CPXM2: variants seen among roughly 807,000 people sequenced by gnomAD.
The protein encoded by CPXM2 is inactive carboxypeptidase-like protein X2.
In CPXM2, 66 loss-of-function variants were observed where a neutral mutation model predicts 86.1. That is an observed-to-expected ratio of 0.77 (90% CI 0.63 to 0.94). CPXM2 has a LOEUF of 0.94. CPXM2 is among the 40% of genes least tolerant of loss of function. CPXM2 has a pLI of 0.00. For synonymous variants in CPXM2, 388 were observed against 400.2 expected (o/e 0.97, Z 0.36); for missense variants, 948 against 1,026.3 (o/e 0.92, Z 1.04).
intron 13 of CPXM2, among the ~76,000 whole-genome samples, chr10:123,752,937 A>G (rs1363017952): frequency 6.6e-6 from 1 of 152,230 alleles, no homozygotes; most frequent in East Asian, 1.9e-4. Context: ...AATCATGAGC[A>G]GAGTACACAT....
chr10:123,856,977 G>T (rs536170064), intron 3 of CPXM2, among the ~76,000 whole-genome samples: 2 of 152,280 alleles, frequency 1.3e-5, no homozygotes, highest in Admixed American at 1.3e-4. Context: ...GTTGCTCCCA[G>T]AATGGAAGAA....
chr10:123,804,135 C>T (rs1847527919), intron 4 of CPXM2, among the ~76,000 whole-genome samples: 1 of 152,182 alleles, frequency 6.6e-6, no homozygotes, highest in Non-Finnish European at 1.5e-5. Flanking sequence ...TATCCTAAAT[C>T]TGTCTTAATG....
At chr10:123,747,060 T>C (rs200795987) in intron 13 of CPXM2, 43 bp from the exon 14 acceptor site, 4 of 1,599,604 alleles carry the variant, frequency 2.5e-6, no homozygotes, top group Non-Finnish European at 1.7e-6. Context: ...CAGCTCTTGC[T>C]AATGCAGATC....
At position 123,885,103 on chromosome 10, in the gene CPXM2, GGGA is replaced by G. The variant is rs1204053785; in HGVS notation, c.305-4797_305-4795del. 1.3e-5 allele frequency among the ~76,000 whole-genome samples: 2 copies of G among 152,186 alleles called. No homozygotes were observed. Among genetic ancestry groups the G allele is most frequent in the African/African-American group, 2.4e-5 (1 of 41,456 alleles). On this transcript the variant is annotated intron_variant, in intron 1 of 13. Transcript: ENST00000241305. The surrounding 1 kb of genome is among the most constrained non-coding windows in gnomAD (Gnocchi z 4.0). ...AGGCTTTGGGCACAGTGCTGTATGTGGGAGGAGATTTCAAGTAGCACAGGTGAA... is the reference window on the plus strand; with the variant it reads ...AGGCTTTGGGCACAGTGCTGTATGTGGGAGATTTCAAGTAGCACAGGTGAA...
chr10:123,869,784 C>G (rs1186386726), intron 2 of CPXM2, among the ~76,000 whole-genome samples: 6 of 152,206 alleles, frequency 3.9e-5, no homozygotes, highest in Admixed American at 3.9e-4. Context: ...TCCTCATCAT[C>G]ATCATCATCA....
At chr10:123,933,705 G>A (rs1392176201) in intron 2 of CPXM2, among the ~76,000 whole-genome samples, 1 of 151,790 alleles carries the variant, frequency 6.6e-6, no homozygotes, top group Non-Finnish European at 1.5e-5. Context: ...GCAACAGAGC[G>A]AGACCATGTC....
At chr10:123,884,284 T>C (rs1343540235) in intron 1 of CPXM2, among the ~76,000 whole-genome samples, 1 of 152,152 alleles carries the variant, frequency 6.6e-6, no homozygotes, top group Non-Finnish European at 1.5e-5. Flanking sequence ...AATTGCAGCA[T>C]TAAGGCTAAA....
intron 4 of CPXM2, among the ~76,000 whole-genome samples, chr10:123,824,105 A>G (rs1847991928): frequency 6.6e-6 from 1 of 152,220 alleles, no homozygotes; most frequent in Non-Finnish European, 1.5e-5. Context: ...CAGGACTAAA[A>G]AGCAAAATTT....
intron 2 of CPXM2, among the ~76,000 whole-genome samples, chr10:123,939,030 A>C (rs575655839): frequency 1.0e-3 from 153 of 152,282 alleles, no homozygotes; most frequent in Admixed American, 1.4e-3. Context: ...CCTCCTCTGG[A>C]GGAGCAGACA....
intron 12 of CPXM2, among the ~76,000 whole-genome samples, chr10:123,756,811 C>T (rs1413874853): frequency 6.6e-6 from 1 of 152,174 alleles, no homozygotes; most frequent in African/African-American, 2.4e-5. Flanking sequence ...CCGAGGACAC[C>T]GACCCTGTGG....
chr10:123,842,258 C>G, intron 4 of CPXM2, 91 bp downstream of exon 4: 2 of 1,539,928 alleles, frequency 1.3e-6, no homozygotes, highest in Non-Finnish European at 1.8e-6. Flanking sequence ...CACCAAACAC[C>G]TCTCTGCAAC....
chr10:123,870,124 C>A (rs1056679517), intron 2 of CPXM2, among the ~76,000 whole-genome samples: 3 of 152,106 alleles, frequency 2.0e-5, no homozygotes, highest in African/African-American at 7.2e-5. Flanking sequence ...TGTACAATGA[C>A]CCCAACAGAT....
intron 2 of CPXM2, among the ~76,000 whole-genome samples, chr10:123,934,823 C>T (rs536917345): frequency 3.9e-5 from 6 of 152,318 alleles, no homozygotes; most frequent in African/African-American, 1.4e-4. Context: ...CCATCGCCTG[C>T]CACTGAGACC....
At chr10:123,931,159 G>A (rs773955167) in intron 2 of CPXM2, among the ~76,000 whole-genome samples, 1 of 152,190 alleles carries the variant, frequency 6.6e-6, no homozygotes, top group Non-Finnish European at 1.5e-5. Flanking sequence ...GTGGGAAGGG[G>A]TGGGGACCAA....
chr10:123,939,952 T>C (rs1945758899), intron 1 of CPXM2, among the ~76,000 whole-genome samples: 1 of 152,064 alleles, frequency 6.6e-6, no homozygotes, highest in South Asian at 2.1e-4. Context: ...CAGAGCTGGG[T>C]AGGGGCATCT....
intron 13 of CPXM2, among the ~76,000 whole-genome samples, chr10:123,753,164 C>T (rs949283612): frequency 8.6e-5 from 13 of 152,024 alleles, no homozygotes; most frequent in African/African-American, 1.5e-4. Flanking sequence ...TGGACAGAGG[C>T]GCCGCAGTGA....
At chr10:123,882,848 C>A (rs918324174) in intron 1 of CPXM2, among the ~76,000 whole-genome samples, 2 of 150,272 alleles carry the variant, frequency 1.3e-5, no homozygotes, top group African/African-American at 2.5e-5. Flanking sequence ...GCCCCCACAC[C>A]ATAGCCCAGC....
chr10:123,772,403 G>C (rs1372224141), intron 7 of CPXM2, among the ~76,000 whole-genome samples: 1 of 151,808 alleles, frequency 6.6e-6, no homozygotes, highest in Non-Finnish European at 1.5e-5. Context: ...CACCTGCCTT[G>C]TTCTGGTTAT....
chr10:123,854,384 T>TAAA (rs1564798966), intron 3 of CPXM2, among the ~76,000 whole-genome samples: 4 of 118,664 alleles, frequency 3.4e-5, no homozygotes, highest in Non-Finnish European at 6.6e-5. Flanking sequence ...AATATATATA[T>TAAA]AATATATATA....
Sources: allele counts gnomAD v4.1 joint callset (sites outside exome capture counted in the v4.1 genomes callset), GRCh38; gene constraint gnomAD v4.1.1; non-coding constraint Gnocchi (gnomAD v3.1); transcripts MANE v1.5; gene names NCBI Gene and HGNC (gene_info 2026-07-23, HGNC 2026-07-21).